The following TAS2R1 variants were observed in gnomAD, a reference collection of about 807,000 sequenced individuals.
The protein encoded by TAS2R1 is taste receptor type 2 member 1.
For synonymous variants in TAS2R1, 141 were observed against 134.2 expected, an observed-to-expected ratio of 1.05 and a Z score of -0.35; for missense variants, 370 against 353.4, an observed-to-expected ratio of 1.05 and a Z score of -0.38.
chr5:9,842,816 T>A, the TAS2R1 span, among the ~76,000 whole-genome samples: 2 of 151,996 alleles, frequency 1.3e-5, no homozygotes, highest in African/African-American at 4.8e-5. Context: ...GACCTCTAAT[T>A]ATTGGGTCAT....
the TAS2R1 span, among the ~76,000 whole-genome samples, chr5:9,806,343 A>G: frequency 6.6e-6 from 1 of 152,126 alleles, no homozygotes; most frequent in African/African-American, 2.4e-5. Context: ...CTATAAATTC[A>G]ATGCAATTTC....
At chr5:9,791,866 A>G in the TAS2R1 span, among the ~76,000 whole-genome samples, 1 of 152,210 alleles carries the variant, frequency 6.6e-6, no homozygotes, top group Admixed American at 6.5e-5. Context: ...TAGAAGGTCC[A>G]TTTGTGAACT....
chr5:9,652,520 A>G (rs1400774275), intron 2 of TAS2R1, among the ~76,000 whole-genome samples: 3 of 152,216 alleles, frequency 2.0e-5, no homozygotes, highest in African/African-American at 4.8e-5. Flanking sequence ...GGGAGCCACA[A>G]GACGGAAGGA....
the TAS2R1 span, among the ~76,000 whole-genome samples, chr5:9,850,650 T>C: frequency 3.6e-3 from 548 of 152,300 alleles, 4 homozygotes; most frequent in African/African-American, 0.013. Flanking sequence ...CTCTTCCACA[T>C]TGGCAAATGG....
the TAS2R1 span, among the ~76,000 whole-genome samples, chr5:9,757,187 T>TA: frequency 6.6e-6 from 1 of 152,216 alleles, no homozygotes; most frequent in African/African-American, 2.4e-5. Context: ...ATTTAGTTAT[T>TA]AAAAACCAAG....
At chr5:9,832,390 G>A in the TAS2R1 span, among the ~76,000 whole-genome samples, 1 of 152,204 alleles carries the variant, frequency 6.6e-6, no homozygotes, top group Non-Finnish European at 1.5e-5. Flanking sequence ...GAACATAGGT[G>A]TGCATTCATG....
the TAS2R1 span, among the ~76,000 whole-genome samples, chr5:9,802,908 A>T: frequency 7.9e-5 from 12 of 152,322 alleles, no homozygotes; most frequent in Middle Eastern, 3.4e-3. Flanking sequence ...GTCTAAAAAT[A>T]AAAATAAAAA....
the TAS2R1 span, among the ~76,000 whole-genome samples, chr5:9,879,970 C>T: frequency 6.6e-6 from 1 of 152,078 alleles, no homozygotes; most frequent in East Asian, 1.9e-4. Context: ...GAGATGTTCC[C>T]CTGCAGGGTT....
the TAS2R1 span, among the ~76,000 whole-genome samples, chr5:9,739,561 G>T: frequency 6.6e-6 from 1 of 152,290 alleles, no homozygotes. Flanking sequence ...GTCATCTTTG[G>T]CAATACACAC....
intron 2 of TAS2R1, among the ~76,000 whole-genome samples, chr5:9,635,660 C>A (rs1159998658): frequency 6.6e-6 from 1 of 151,590 alleles, no homozygotes; most frequent in East Asian, 1.9e-4. Context: ...TCTATTTCTT[C>A]CTGACTTAAG....
chr5:9,708,865 C>T (rs897435011), intron 1 of TAS2R1, among the ~76,000 whole-genome samples: 2 of 152,162 alleles, frequency 1.3e-5, no homozygotes, highest in Admixed American at 1.3e-4. Context: ...AACACCCAGG[C>T]TCTGTCTGTT....
the TAS2R1 span, among the ~76,000 whole-genome samples, chr5:9,749,674 A>G: frequency 1.3e-5 from 2 of 152,236 alleles, no homozygotes; most frequent in South Asian, 2.1e-4. Context: ...GCACACAAAC[A>G]AGAGAAAAAT....
At chr5:9,707,209 G>A (rs912369356) in intron 1 of TAS2R1, among the ~76,000 whole-genome samples, 36 of 152,156 alleles carry the variant, frequency 2.4e-4, no homozygotes, top group African/African-American at 2.4e-5. Flanking sequence ...TCAGGCTGGT[G>A]GTGGAGCTGG....
At chr5:9,814,980 C>T in the TAS2R1 span, among the ~76,000 whole-genome samples, 1 of 152,350 alleles carries the variant, frequency 6.6e-6, no homozygotes, top group East Asian at 1.9e-4. Flanking sequence ...CAGTGTTTCT[C>T]CTTCTCTCTT....
chr5:9,738,049 TCTGGCCGCCCTCATA>T, the TAS2R1 span, among the ~76,000 whole-genome samples: 6 of 152,220 alleles, frequency 3.9e-5, no homozygotes, highest in African/African-American at 9.7e-5. Flanking sequence ...AACTACGTTC[TCTGGCCGCCCTCATA>T]CTTGTCGTTA....
chr5:9,664,839 G>A (rs925665481), intron 1 of TAS2R1, among the ~76,000 whole-genome samples: 8 of 151,978 alleles, frequency 5.3e-5, no homozygotes, highest in African/African-American at 1.5e-4. Flanking sequence ...ACTATGTTTC[G>A]GGCACCATGA....
the TAS2R1 span, among the ~76,000 whole-genome samples, chr5:9,777,827 G>A: frequency 6.6e-6 from 1 of 151,776 alleles, no homozygotes; most frequent in Non-Finnish European, 1.5e-5. Flanking sequence ...GAAGACATTA[G>A]TCTCCTTGTA....
chr5:9,684,580 C>T (rs1335715930), intron 1 of TAS2R1, among the ~76,000 whole-genome samples: 1 of 152,164 alleles, frequency 6.6e-6, no homozygotes, highest in Non-Finnish European at 1.5e-5. Context: ...CAGCTATTCA[C>T]AAGTGTGATC....
chr5:9,840,129 C>T, the TAS2R1 span, among the ~76,000 whole-genome samples: 1 of 152,106 alleles, frequency 6.6e-6, no homozygotes, highest in Non-Finnish European at 1.5e-5. Flanking sequence ...TGAGATTTTG[C>T]CACCTATGTC....
Sources: gnomAD v4.1 joint callset for allele counts (sites outside exome capture counted in the v4.1 genomes callset) on GRCh38, gnomAD v4.1.1 for gene constraint, MANE v1.5 for transcripts, NCBI Gene and HGNC (gene_info 2026-07-23, HGNC 2026-07-21) for gene names.